SLC25A21: variants seen among roughly 807,000 people sequenced by gnomAD.
The protein encoded by SLC25A21 is mitochondrial 2-oxodicarboxylate carrier.
In SLC25A21, 47 loss-of-function variants were observed where a neutral mutation model predicts 43.8. That is an observed-to-expected ratio of 1.07 (90% confidence interval 0.85 to 1.37). The LOEUF (loss-of-function observed/expected upper bound fraction) is 1.37. Ranked by LOEUF, SLC25A21 falls within the 40% of genes most tolerant of loss-of-function variation. The pLI is 0.00. For synonymous variants in SLC25A21, 131 were observed against 121.3 expected (o/e 1.08, Z -0.52); for missense variants, 352 against 350.2 (o/e 1.00, Z -0.04).
At chr14:37,052,655 CCGAGACAGAGTCTTACTCTGTCT>C (rs1202118783) in intron 1 of SLC25A21, among the ~76,000 whole-genome samples, 1 of 151,694 alleles carries the variant, frequency 6.6e-6, no homozygotes, top group Non-Finnish European at 1.5e-5. Flanking sequence ...TTTTTTCCCC[CCGAGACAGAGTCTTACTCTGTCT>C]CCCAGACTGG....
intron 1 of SLC25A21, among the ~76,000 whole-genome samples, chr14:37,085,069 T>A (rs1442224821): frequency 6.6e-6 from 1 of 152,210 alleles, no homozygotes. Flanking sequence ...TGATTATTAC[T>A]AAAAATAATT....
intron 1 of SLC25A21, among the ~76,000 whole-genome samples, chr14:36,994,805 G>A (rs1440340166): frequency 6.6e-6 from 1 of 152,094 alleles, no homozygotes; most frequent in Admixed American, 6.6e-5. Flanking sequence ...TAAACAAAAG[G>A]AAACGTGGCA....
chr14:36,897,405 C>T (rs1412857401), intron 1 of SLC25A21, among the ~76,000 whole-genome samples: 1 of 152,114 alleles, frequency 6.6e-6, no homozygotes, highest in Non-Finnish European at 1.5e-5. Context: ...TTAAGGACTT[C>T]TCTGCATTGG....
At chr14:36,756,139 A>G (rs1885918739) in intron 3 of SLC25A21, among the ~76,000 whole-genome samples, 1 of 152,190 alleles carries the variant, frequency 6.6e-6, no homozygotes, top group Non-Finnish European at 1.5e-5. Flanking sequence ...TCCAAAAGGA[A>G]AGGGGGCTTA....
chr14:36,719,345 T>C (rs1055647082), intron 6 of SLC25A21, among the ~76,000 whole-genome samples: 5 of 152,134 alleles, frequency 3.3e-5, no homozygotes, highest in Non-Finnish European at 7.4e-5. Context: ...CCATCTCCAA[T>C]AGGGAAATCC....
intron 3 of SLC25A21, among the ~76,000 whole-genome samples, chr14:36,799,739 C>T (rs1003774895): frequency 2.0e-5 from 3 of 152,168 alleles, no homozygotes; most frequent in African/African-American, 4.8e-5. Context: ...ACATTTTGAC[C>T]TTGTCTGACT....
chr14:36,798,507 T>C (rs1385343238), intron 3 of SLC25A21, among the ~76,000 whole-genome samples: 1 of 151,988 alleles, frequency 6.6e-6, no homozygotes, highest in Non-Finnish European at 1.5e-5. Context: ...TTTTTGCTCA[T>C]ACAGTCGTTT....
intron 1 of SLC25A21, among the ~76,000 whole-genome samples, chr14:37,050,567 C>A (rs1038770717): frequency 6.6e-6 from 1 of 152,110 alleles, no homozygotes; most frequent in Non-Finnish European, 1.5e-5. Flanking sequence ...TCTAATAGAG[C>A]AAAACAGTAC....
intron 1 of SLC25A21, among the ~76,000 whole-genome samples, chr14:36,955,530 T>C (rs1334629297): frequency 6.6e-6 from 1 of 152,182 alleles, no homozygotes; most frequent in Non-Finnish European, 1.5e-5. Context: ...TATTTCTGGA[T>C]TTTCTGATTT....
At chr14:36,868,121 G>C (rs1366201345) in intron 2 of SLC25A21, among the ~76,000 whole-genome samples, 1 of 147,508 alleles carries the variant, frequency 6.8e-6, no homozygotes, top group African/African-American at 2.5e-5. Flanking sequence ...GAGGGAGAAA[G>C]AGAGTGTATC....
intron 8 of SLC25A21, 150 bp from the exon 9 acceptor site, chr14:36,684,030 G>A (rs541901571): frequency 1.8e-6 from 1 of 546,082 alleles, no homozygotes; most frequent in South Asian, 3.3e-5. Flanking sequence ...AGTATTCTCT[G>A]CAGCAAACTG....
intron 1 of SLC25A21, among the ~76,000 whole-genome samples, chr14:37,094,764 A>G (rs1207791005): frequency 2.0e-5 from 3 of 152,166 alleles, no homozygotes; most frequent in African/African-American, 7.2e-5. Flanking sequence ...CAAACAAGTT[A>G]AATATCGCCA....
intron 2 of SLC25A21, among the ~76,000 whole-genome samples, chr14:36,855,864 G>A (rs552614284): frequency 6.6e-6 from 1 of 152,166 alleles, no homozygotes; most frequent in Non-Finnish European, 1.5e-5. Context: ...CTCAACAGGG[G>A]TGAAGGGTGG....
chr14:37,005,666 T>C (rs1960587336), intron 1 of SLC25A21, among the ~76,000 whole-genome samples: 2 of 151,930 alleles, frequency 1.3e-5, no homozygotes, highest in Non-Finnish European at 1.5e-5. Flanking sequence ...CAACATATTG[T>C]ATATCTTTCA....
At chr14:36,950,569 G>A (rs1350258466) in intron 1 of SLC25A21, among the ~76,000 whole-genome samples, 2 of 152,128 alleles carry the variant, frequency 1.3e-5, no homozygotes, top group Non-Finnish European at 2.9e-5. Context: ...ATAAATTTCT[G>A]TTATTTAAGC....
chr14:36,734,462 TA>T, intron 4 of SLC25A21, 44 bp downstream of exon 4: 1 of 1,477,210 alleles, frequency 6.8e-7, no homozygotes, highest in Non-Finnish European at 9.3e-7. Flanking sequence ...CTGAAGCTGT[TA>T]CTGTGCCCTA....
chr14:36,953,880 A>G (rs1360553743), intron 1 of SLC25A21, among the ~76,000 whole-genome samples: 1 of 152,220 alleles, frequency 6.6e-6, no homozygotes, highest in Non-Finnish European at 1.5e-5. Context: ...AGTGTATATT[A>G]TGTGCCAGAC....
intron 3 of SLC25A21, among the ~76,000 whole-genome samples, chr14:36,772,741 C>G (rs1385834895): frequency 6.6e-6 from 1 of 152,146 alleles, no homozygotes; most frequent in Non-Finnish European, 1.5e-5. Flanking sequence ...TATTCAAAAC[C>G]TAGAGTGTTA....
At chr14:36,719,611 T>C (rs966993555) in intron 6 of SLC25A21, among the ~76,000 whole-genome samples, 4 of 152,294 alleles carry the variant, frequency 2.6e-5, no homozygotes, top group Middle Eastern at 6.8e-3. Flanking sequence ...ACACTGGTAT[T>C]AGAGTTGGAG....
Sources: allele counts gnomAD v4.1 joint callset (sites outside exome capture counted in the v4.1 genomes callset), GRCh38; gene constraint gnomAD v4.1.1; transcripts MANE v1.5; gene names NCBI Gene and HGNC (gene_info 2026-07-23, HGNC 2026-07-21).